Variants in ACP3 observed in about 807,000 individuals in gnomAD.
ACP3 encodes acid phosphatase 3.
In ACP3, 38 loss-of-function variants were observed where a neutral mutation model predicts 45.6. The ratio of observed to expected loss-of-function variants is 0.83; its 90% CI spans 0.64 to 1.09. The LOEUF is 1.09. ACP3 is among the 50% of genes least tolerant of loss of function. ACP3 has a pLI of 0.00. For synonymous variants in ACP3, 162 were observed against 164.7 expected (o/e 0.98, Z 0.13); for missense variants, 466 against 463.2 (o/e 1.01, Z -0.05).
At chr3:132,338,575 C>T (rs1412705114) in intron 5 of ACP3, among the ~76,000 whole-genome samples, 2 of 152,142 alleles carry the variant, frequency 1.3e-5, no homozygotes, top group African/African-American at 4.8e-5. Flanking sequence ...TATTAATTTA[C>T]CCTCCAAAGA....
At chr3:132,341,413 T>C (rs562194839) in intron 5 of ACP3, among the ~76,000 whole-genome samples, 58 of 152,252 alleles carry the variant, frequency 3.8e-4, no homozygotes, top group Non-Finnish European at 7.6e-4. Context: ...TTGGATTAAT[T>C]ACAATGATTG....
intron 3 of ACP3, 126 bp from the exon 4 acceptor site, chr3:132,332,066 G>C: frequency 1.8e-6 from 2 of 1,104,238 alleles, no homozygotes; most frequent in South Asian, 2.9e-5. Flanking sequence ...TGATTCTGAT[G>C]TTAGCACAAT....
intron 2 of ACP3, among the ~76,000 whole-genome samples, chr3:132,330,972 A>G (rs1257135247): frequency 6.6e-6 from 1 of 152,190 alleles, no homozygotes; most frequent in African/African-American, 2.4e-5. Flanking sequence ...ATGCACGGTA[A>G]TGGTTGTGGA....
intron 9 of ACP3, among the ~76,000 whole-genome samples, chr3:132,354,902 A>G (rs748472918): frequency 3.3e-5 from 5 of 152,218 alleles, no homozygotes; most frequent in African/African-American, 4.8e-5. Context: ...ACTAAAGCCA[A>G]TTTTGAGTCT....
At chr3:132,328,481 C>A (rs951940586) in intron 2 of ACP3, 119 bp downstream of exon 2, 1 of 667,048 alleles carries the variant, frequency 1.5e-6, no homozygotes, top group Non-Finnish European at 2.5e-6. Context: ...GAGTTCGAGA[C>A]CAGCCTGGCC....
Position 132,357,639 on chromosome 3 carries a change from A to G in ACP3, c.*761A>G. 2.0e-6 allele frequency: 2 copies of G among 985,100 alleles called. No individual in the cohort carries two copies. Among genetic ancestry groups the G allele is most frequent in the Non-Finnish European group, 2.4e-6 (2 of 829,598 alleles). 61.0% of individuals were successfully genotyped at this position (985,100 alleles called of 1,614,324 possible). On this transcript the variant is annotated 3_prime_UTR_variant, in exon 10 of 10. Transcript: ENST00000336375. ...GTATATATATCATAGCAAATAAGTC[A>G]TCTGATGAGAACAAGCTATTTGGGC...
Position 132,348,906 on chromosome 3 carries a change from G to A in ACP3, c.782-1014G>A, listed in dbSNP as rs115646442. ...TGATTCTCCTAGCACAGTATCTGGC[G>A]CATCATAGCTGCTCAGTGTGTGTTT... On this transcript the variant is annotated intron_variant, in intron 7 of 9. Transcript: ENST00000336375. 3.8e-3 allele frequency among the ~76,000 whole-genome samples: 577 copies of A among 151,150 alleles called. 1 individual carries two copies. The highest frequency in any genetic ancestry group is 0.013 in the African/African-American group (551 of 41,322).
downstream of ACP3, among the ~76,000 whole-genome samples, chr3:132,363,461 T>C (rs1290990545): frequency 3.9e-5 from 6 of 152,324 alleles, no homozygotes; most frequent in Admixed American, 3.3e-4. Flanking sequence ...TACCAGTATA[T>C]GTAGCCTGTT....
chr3:132,331,556 C>A, intron 2 of ACP3, 91 bp from the exon 3 acceptor site: 1 of 941,274 alleles, frequency 1.1e-6, no homozygotes, highest in Non-Finnish European at 1.6e-6. Context: ...ATTCTACACA[C>A]ATAATGAAAA....
rs560159351 is a variant in ACP3, at chr3:132,332,955, A to G, written c.456+611A>G. Among the ~76,000 whole-genome samples, 14 of 152,360 alleles carry G rather than the reference A, an allele frequency of 9.2e-5. No individual in the cohort carries two copies. The South Asian group carries it at 2.9e-3, about 32-fold the overall frequency. ...GTCCAAAGCAACACTGCTGGCAAGC[A>G]TCACTCTGGGATTAAAACTAGGCCT... On this transcript the variant is annotated intron_variant, in intron 4 of 9. Coordinates refer to ENST00000336375, the MANE Select transcript of ACP3 (RefSeq NM_001099.5).
rs768382791 is a variant in ACP3 at position 132,317,644 on chromosome 3, G to A, written c.120+68G>A. On this transcript the variant is annotated intron_variant, in intron 1 of 9. Transcript: ENST00000336375. Reference sequence around the variant, plus strand: ...CCCAGCAAAGTCTGATAAGGCAAGCGTCAGGTTTCATCTTATCCTTGGATT... The same window carrying A: ...CCCAGCAAAGTCTGATAAGGCAAGCATCAGGTTTCATCTTATCCTTGGATT... The A allele has an allele frequency of 2.8e-5, 42 of 1,522,338 alleles. No individual in the cohort carries two copies. In the Admixed American group the frequency reaches 5.0e-4, roughly 18 times the overall value. 94.3% of individuals were successfully genotyped at this position (1,522,338 alleles called of 1,614,324 possible).
At chr3:132,360,089 G>C (rs1405700398), downstream of ACP3, among the ~76,000 whole-genome samples, 1 of 152,150 alleles carries the variant, frequency 6.6e-6, no homozygotes, top group Non-Finnish European at 1.5e-5. Flanking sequence ...ATTTCAGGGA[G>C]ACAGATTTTC....
exon 11 of ACP3, chr3:132,367,806 C>T (rs766878596): frequency 6.2e-7 from 1 of 1,611,902 alleles, no homozygotes; most frequent in South Asian, 1.1e-5. Flanking sequence ...CAGAGAGAAT[C>T]CTATGGGAAC....
chr3:132,359,363 C>CTGGG, downstream of ACP3, among the ~76,000 whole-genome samples: 1 of 152,112 alleles, frequency 6.6e-6, no homozygotes, highest in East Asian at 1.9e-4. Context: ...ATACAAAAAG[C>CTGGG]CGGGCATGGT....
chr3:132,319,224 T>C (rs746257258), intron 1 of ACP3, among the ~76,000 whole-genome samples: 6 of 152,218 alleles, frequency 3.9e-5, no homozygotes, highest in Non-Finnish European at 8.8e-5. Context: ...AAACATCAGT[T>C]TCTTATTTTT....
intron 1 of ACP3, among the ~76,000 whole-genome samples, chr3:132,323,583 T>C (rs1196351198): frequency 2.0e-5 from 3 of 152,158 alleles, no homozygotes; most frequent in Non-Finnish European, 2.9e-5. Context: ...AGACCTCAAA[T>C]TGATGAGTGG....
At chr3:132,320,696 G>A (rs906868086) in intron 1 of ACP3, among the ~76,000 whole-genome samples, 10 of 150,614 alleles carry the variant, frequency 6.6e-5, no homozygotes, top group African/African-American at 2.4e-4. Context: ...TGTCGCCCAG[G>A]CTGGAGTGCA....
At chr3:132,328,698 A>C (rs1006087445) in intron 2 of ACP3, among the ~76,000 whole-genome samples, 1 of 151,768 alleles carries the variant, frequency 6.6e-6, no homozygotes, top group African/African-American at 2.4e-5. Context: ...AAAAAAAAAA[A>C]AAAAGATTCT....
intron 6 of ACP3, among the ~76,000 whole-genome samples, chr3:132,344,663 T>C (rs1937588170): frequency 6.6e-6 from 1 of 152,184 alleles, no homozygotes; most frequent in Non-Finnish European, 1.5e-5. Flanking sequence ...ACTGCACCCT[T>C]ACTCTGCAAA....
Sources: allele counts gnomAD v4.1 joint callset (sites outside exome capture counted in the v4.1 genomes callset), GRCh38; gene constraint gnomAD v4.1.1; transcripts MANE v1.5; gene names NCBI Gene and HGNC (gene_info 2026-07-23, HGNC 2026-07-21).